The following UVRAG variants were observed in gnomAD, a reference collection of about 807,000 sequenced individuals.
The protein encoded by UVRAG is UV radiation resistance associated, also known as UV radiation resistance-associated gene protein.
Under a neutral mutation model 78.0 loss-of-function variants are expected in UVRAG, and 19 were observed. The observed-to-expected ratio is 0.24, with a 90% CI of 0.17 to 0.36. UVRAG has a LOEUF of 0.36. Ranked by LOEUF, UVRAG falls within the 10% of genes least tolerant of loss-of-function variation. The pLI, the probability that UVRAG is intolerant of heterozygous loss-of-function variation, is 1.00. For missense variants in UVRAG, 740 were observed against 853.8 expected, an observed-to-expected ratio of 0.87 and a Z score of 1.66; for synonymous variants, 323 against 324.6, an observed-to-expected ratio of 1.00 and a Z score of 0.05.
intron 6 of UVRAG, among the ~76,000 whole-genome samples, chr11:75,959,287 C>G (rs1455015491): frequency 2.0e-5 from 3 of 152,220 alleles, no homozygotes; most frequent in Non-Finnish European, 2.9e-5. Context: ...AAGGCTGTTT[C>G]ATCTATGTTG....
At chr11:76,007,392 A>G in intron 9 of UVRAG, 142 bp from the exon 10 acceptor site, 1 of 637,070 alleles carries the variant, frequency 1.6e-6, no homozygotes. Flanking sequence ...TACGGTAACT[A>G]TTATTTATGC....
At chr11:75,943,873 G>A (rs1369800770) in intron 6 of UVRAG, among the ~76,000 whole-genome samples, 1 of 152,158 alleles carries the variant, frequency 6.6e-6, no homozygotes, top group Non-Finnish European at 1.5e-5. Context: ...ACAGAGGAAT[G>A]TAGAAGCAGG....
chr11:75,952,428 C>G (rs376440326), intron 6 of UVRAG, among the ~76,000 whole-genome samples: 28 of 151,436 alleles, frequency 1.8e-4, no homozygotes, highest in African/African-American at 5.8e-4. Flanking sequence ...CTCCCCTTTC[C>G]TCCTAGTTTG....
chr11:75,919,380 T>A (rs992614103), intron 6 of UVRAG, among the ~76,000 whole-genome samples: 16 of 152,226 alleles, frequency 1.1e-4, no homozygotes, highest in Non-Finnish European at 2.2e-4. Flanking sequence ...CTTACCCAGT[T>A]TCTGTATGCT....
chr11:76,065,875 A>G lies in UVRAG; in HGVS notation c.1305+87A>G, dbSNP rs534983682. 4.2e-6 allele frequency: 5 copies of G among 1,181,688 alleles called. No homozygotes were observed. In the South Asian group the frequency reaches 5.4e-5, roughly 13 times the overall value. 73.2% of individuals were successfully genotyped at this position (1,181,688 alleles called of 1,614,324 possible). ...CAGCCTTTTTTCTTTATAAATATGC[A>G]CTGCAGTTGACCCTCGCATTTAACC... On this transcript the variant is annotated intron_variant, in intron 13 of 14. Transcript: ENST00000356136.
chr11:75,867,329 A>C (rs1023803584), intron 3 of UVRAG, among the ~76,000 whole-genome samples: 8 of 152,292 alleles, frequency 5.3e-5, no homozygotes, highest in African/African-American at 1.9e-4. Flanking sequence ...AGTCGCTGTT[A>C]CTTTCCTGAC....
intron 13 of UVRAG, among the ~76,000 whole-genome samples, chr11:76,068,496 T>C (rs556949371): frequency 2.6e-5 from 4 of 152,348 alleles, no homozygotes; most frequent in Non-Finnish European, 5.9e-5. Context: ...CTGTGGATTT[T>C]CTTTTTTTAA....
At chr11:76,124,411 T>C (rs896011861) in intron 14 of UVRAG, among the ~76,000 whole-genome samples, 7 of 152,252 alleles carry the variant, frequency 4.6e-5, no homozygotes, top group Non-Finnish European at 7.3e-5. Context: ...AATATTCCTA[T>C]ACATTGTTCA....
intron 6 of UVRAG, among the ~76,000 whole-genome samples, chr11:75,950,963 TACACACACACAC>T (rs35864936): frequency 2.1e-4 from 30 of 140,052 alleles, no homozygotes; most frequent in South Asian, 1.4e-3. Context: ...TTGTCAGGTG[TACACACACACAC>T]ACACACACAC....
intron 12 of UVRAG, among the ~76,000 whole-genome samples, chr11:76,018,481 C>T (rs1340823641): frequency 6.6e-6 from 1 of 152,114 alleles, no homozygotes; most frequent in East Asian, 1.9e-4. Flanking sequence ...GCAATCTCGG[C>T]TCACTGCAAC....
chr11:76,104,628 C>G (rs189306153), intron 13 of UVRAG, among the ~76,000 whole-genome samples: 5 of 152,254 alleles, frequency 3.3e-5, no homozygotes. Flanking sequence ...CCAAATTTCC[C>G]GTTACAAACA....
intron 13 of UVRAG, among the ~76,000 whole-genome samples, chr11:76,091,847 T>TA (rs1196049217): frequency 1.3e-5 from 2 of 152,090 alleles, no homozygotes; most frequent in Admixed American, 6.6e-5. Context: ...GTTTTTTTTT[T>TA]ATTATTCTTT....
intron 8 of UVRAG, among the ~76,000 whole-genome samples, chr11:75,990,399 T>C (rs1949581601): frequency 6.6e-6 from 1 of 152,208 alleles, no homozygotes; most frequent in Non-Finnish European, 1.5e-5. Flanking sequence ...CCACATTTTG[T>C]GTAGCAAGAA....
At chr11:75,833,740 C>A (rs1438165978) in intron 1 of UVRAG, among the ~76,000 whole-genome samples, 1 of 152,182 alleles carries the variant, frequency 6.6e-6, no homozygotes, top group Non-Finnish European at 1.5e-5. Context: ...AAAAGTATTC[C>A]TTACGGGAAA....
intron 12 of UVRAG, among the ~76,000 whole-genome samples, chr11:76,041,019 G>T (rs1950639255): frequency 6.6e-6 from 1 of 152,008 alleles, no homozygotes; most frequent in South Asian, 2.1e-4. Context: ...AAGTATATCA[G>T]AAATGAGTTT....
chr11:75,978,916 C>T (rs1272064935), intron 7 of UVRAG, among the ~76,000 whole-genome samples: 1 of 152,218 alleles, frequency 6.6e-6, no homozygotes, highest in African/African-American at 2.4e-5. Flanking sequence ...TAGTTGCTGG[C>T]AAGGAGCTGC....
intron 13 of UVRAG, among the ~76,000 whole-genome samples, chr11:76,074,006 C>G (rs1296331355): frequency 6.6e-6 from 1 of 152,120 alleles, no homozygotes; most frequent in African/African-American, 2.4e-5. Context: ...CAATGTCACT[C>G]ATCTCACTAA....
intron 6 of UVRAG, among the ~76,000 whole-genome samples, chr11:75,924,578 AG>A (rs1948051328): frequency 6.6e-6 from 1 of 151,756 alleles, no homozygotes; most frequent in Non-Finnish European, 1.5e-5. Flanking sequence ...TTAGTAGAGA[AG>A]GGGTTTCACC....
At chr11:76,075,775 T>G (rs1951394039) in intron 13 of UVRAG, among the ~76,000 whole-genome samples, 1 of 152,212 alleles carries the variant, frequency 6.6e-6, no homozygotes, top group Non-Finnish European at 1.5e-5. Flanking sequence ...CCTGGGCAGC[T>G]ACCAGCCTAC....
Sources: allele counts gnomAD v4.1 joint callset (sites outside exome capture counted in the v4.1 genomes callset), GRCh38; gene constraint gnomAD v4.1.1; transcripts MANE v1.5; gene names NCBI Gene and HGNC (gene_info 2026-07-23, HGNC 2026-07-21).